ETV6: variants seen among roughly 807,000 people sequenced by gnomAD.
The protein encoded by ETV6 is ETS variant transcription factor 6.
In ETV6, 16 loss-of-function variants were observed where a neutral mutation model predicts 51.1. The ratio of observed to expected loss-of-function variants is 0.31; its 90% CI spans 0.21 to 0.48. The LOEUF (loss-of-function observed/expected upper bound fraction) is 0.48, where lower values mean the gene tolerates loss of function less well. Among genes scored for constraint, ETV6 ranks in the 20% least tolerant of loss-of-function variants. The probability of loss-of-function intolerance (pLI) is 0.99; values close to 1 mark genes in which losing one functional copy is unlikely to be tolerated. For synonymous variants in ETV6, 240 were observed against 224.1 expected, an observed-to-expected ratio of 1.07 and a Z score of -0.64; for missense variants, 458 against 594.8, an observed-to-expected ratio of 0.77 and a Z score of 2.39.
rs921432340 is a variant in ETV6 at position 11,863,784 on chromosome 12, T to C, written c.464-5640T>C. 4.6e-5 allele frequency among the ~76,000 whole-genome samples: 7 copies of C among 152,328 alleles called. No homozygotes were observed. The East Asian group carries it at 7.7e-4, about 17-fold the overall frequency. ...GTTTCCATGCCCTGCTGCCAACTTA[T>C]AATAACAGAGGCGGCAGGCAGCAGG... On this transcript the variant is annotated intron_variant, in intron 4 of 7. Transcript: ENST00000396373.
chr12:11,853,601 A>G (rs559326786), intron 4 of ETV6, 40 bp downstream of exon 4: 2 of 1,606,722 alleles, frequency 1.2e-6, no homozygotes, highest in South Asian at 2.2e-5. Flanking sequence ...TGAGGTTTAG[A>G]CAAATCCAGG....
chr12:11,693,311 G>A (rs1440816008), intron 1 of ETV6, among the ~76,000 whole-genome samples: 1 of 152,206 alleles, frequency 6.6e-6, no homozygotes, highest in Non-Finnish European at 1.5e-5. Context: ...CCTGGAGGCA[G>A]ATGAGGGAAG....
At chr12:11,653,724 A>G (rs929771302) in intron 1 of ETV6, among the ~76,000 whole-genome samples, 8 of 151,990 alleles carry the variant, frequency 5.3e-5, no homozygotes, top group Admixed American at 2.0e-4. Context: ...AAAGCACTCA[A>G]TAGGGCCCAC....
intron 3 of ETV6, among the ~76,000 whole-genome samples, chr12:11,840,048 A>G (rs2136465542): frequency 6.6e-6 from 1 of 152,288 alleles, no homozygotes; most frequent in East Asian, 1.9e-4. Context: ...AGACTGGGAA[A>G]TGGGAGATCC....
intron 1 of ETV6, among the ~76,000 whole-genome samples, chr12:11,738,306 G>GTT (rs1865746321): frequency 2.8e-5 from 1 of 35,316 alleles, no homozygotes; most frequent in African/African-American, 9.9e-5. Flanking sequence ...GTTTGTTTTT[G>GTT]CTTTTTTTTT....
intron 1 of ETV6, among the ~76,000 whole-genome samples, chr12:11,684,529 A>T (rs2120759320): frequency 6.6e-6 from 1 of 152,352 alleles, no homozygotes; most frequent in African/African-American, 2.4e-5. Context: ...CAGTATAATG[A>T]ATTATATGTA....
In ETV6 at chr12:11,884,503, C is replaced by T. The variant is rs757419113; in HGVS notation, c.1068C>T (p.Asn356=). The change falls in exon 6 of 8, where the codon AAC becomes AAT. Residue 356 remains asparagine (N), a synonymous_variant. Transcript: ENST00000396373. ...TGCTTTCTGACAGCCGGTACGAAAACTTCATCCGATGGGAGGACAAAGAAT... is the reference window on the plus strand; with the variant it reads ...TGCTTTCTGACAGCCGGTACGAAAATTTCATCCGATGGGAGGACAAAGAAT... ...YQLLSDSRYE[N]FIRWEDKESK... is the part of the protein sequence containing the mutation. The T allele has an allele frequency of 6.2e-7, 1 of 1,614,228 alleles. No individual in the cohort carries two copies. The highest frequency in any genetic ancestry group is 1.1e-5 in the South Asian group (1 of 91,084).
At chr12:11,652,250 C>T in intron 1 of ETV6, among the ~76,000 whole-genome samples, 1 of 152,082 alleles carries the variant, frequency 6.6e-6, no homozygotes, top group Non-Finnish European at 1.5e-5. Flanking sequence ...CTGCATGTGT[C>T]TAGGTGAACG....
At chr12:11,803,937 A>T (rs920264625) in intron 2 of ETV6, among the ~76,000 whole-genome samples, 3 of 152,196 alleles carry the variant, frequency 2.0e-5, no homozygotes, top group African/African-American at 7.2e-5. Context: ...CATCATCATC[A>T]TCTTCTGATC....
At chr12:11,738,410 G>A (rs564590030) in intron 1 of ETV6, among the ~76,000 whole-genome samples, 1 of 150,796 alleles carries the variant, frequency 6.6e-6, no homozygotes, top group Admixed American at 6.6e-5. Flanking sequence ...GCACTTCTTG[G>A]GCTCAAGTGA....
rs531718318 is a variant in ETV6, at chr12:11,885,620, C to T, written c.1153-306C>T. Among the ~76,000 whole-genome samples, 5 of 152,258 alleles carry T rather than the reference C, an allele frequency of 3.3e-5. No homozygotes were observed. In the East Asian group the frequency reaches 7.7e-4, roughly 23 times the overall value. The stretch of plus-strand genomic sequence containing the variant: ...GAAATTCCTCAGGCGGAGCAGAGAG[C>T]GGTCTTGGGAAAAGGAAATAAGCGA... On this transcript the variant is annotated intron_variant, in intron 6 of 7. Coordinates refer to ENST00000396373, the MANE Select transcript of ETV6 (RefSeq NM_001987.5).
chr12:11,677,327 A>G (rs987385049), intron 1 of ETV6, among the ~76,000 whole-genome samples: 1 of 152,190 alleles, frequency 6.6e-6, no homozygotes, highest in African/African-American at 2.4e-5. Flanking sequence ...CTGAACTGCT[A>G]CTGAGAATCC....
At chr12:11,732,346 AT>A (rs1397264159) in intron 1 of ETV6, among the ~76,000 whole-genome samples, 1 of 152,040 alleles carries the variant, frequency 6.6e-6, no homozygotes, top group African/African-American at 2.4e-5. Context: ...GATCTCAAAT[AT>A]TTCTGTTGAT....
At chr12:11,671,067 C>T (rs2120695539) in intron 1 of ETV6, among the ~76,000 whole-genome samples, 1 of 152,224 alleles carries the variant, frequency 6.6e-6, no homozygotes, top group Admixed American at 6.5e-5. Context: ...TTTCCCTAGA[C>T]AGGGACCTCC....
In ETV6 at chr12:11,894,312, G is replaced by C. The variant is rs926965472; in HGVS notation, c.*3266G>C. The C allele has an allele frequency of 4.3e-6, 1 of 232,940 alleles. No individual in the cohort carries two copies. Among genetic ancestry groups the C allele is most frequent in the Non-Finnish European group, 8.5e-6 (1 of 117,926 alleles). 14.4% of individuals were successfully genotyped at this position (232,940 alleles called of 1,614,324 possible). A position where few individuals can be genotyped will look rare whatever the true frequency, so the allele number is the denominator to read the frequency against. On this transcript the variant is annotated 3_prime_UTR_variant, in exon 8 of 8. Transcript: ENST00000396373. ...GGATGTGCATTCTCACTTGGGTCTT[G>C]AAGTTCTCATTCCTACATCTCAAGC...
chr12:11,846,754 C>T (rs1946471925), intron 3 of ETV6, among the ~76,000 whole-genome samples: 5 of 152,224 alleles, frequency 3.3e-5, no homozygotes, highest in Non-Finnish European at 5.9e-5. Context: ...TTCATTCACT[C>T]ACTCACTGAT....
intron 1 of ETV6, among the ~76,000 whole-genome samples, chr12:11,732,716 A>T (rs3020926): frequency 2.1e-4 from 32 of 152,198 alleles, no homozygotes; most frequent in Non-Finnish European, 4.1e-4. Flanking sequence ...CTAGAGGACC[A>T]AGAACAACCC....
chr12:11,885,095 G>A (rs1309860658), intron 6 of ETV6, among the ~76,000 whole-genome samples: 1 of 152,230 alleles, frequency 6.6e-6, no homozygotes, highest in Non-Finnish European at 1.5e-5. Context: ...AAACTGGGAG[G>A]AGGGAATGGA....
intron 1 of ETV6, among the ~76,000 whole-genome samples, chr12:11,686,716 TG>T (rs1864636187): frequency 6.6e-6 from 1 of 151,962 alleles, no homozygotes; most frequent in Admixed American, 6.6e-5. Context: ...TTAGTAGAGA[TG>T]GGGTTTCACC....
Sources: allele counts gnomAD v4.1 joint callset (sites outside exome capture counted in the v4.1 genomes callset), GRCh38; gene constraint gnomAD v4.1.1; transcripts MANE v1.5; gene names NCBI Gene and HGNC (gene_info 2026-07-23, HGNC 2026-07-21).